Variants in GAPVD1 observed in about 807,000 individuals in gnomAD.
GAPVD1 encodes GTPase-activating protein and VPS9 domain-containing protein 1.
Under a neutral mutation model 155.5 loss-of-function variants are expected in GAPVD1, and 35 were observed. The ratio of observed to expected loss-of-function variants is 0.23; its 90% CI spans 0.17 to 0.30. The LOEUF is 0.30. Among genes scored for constraint, GAPVD1 ranks in the 10% least tolerant of loss-of-function variants. The probability of loss-of-function intolerance (pLI) is 1.00; values close to 1 mark genes in which losing one functional copy is unlikely to be tolerated. For missense variants in GAPVD1, 1,429 were observed against 1,775.7 expected, an observed-to-expected ratio of 0.80 and a Z score of 3.51; for synonymous variants, 636 against 619.7, an observed-to-expected ratio of 1.03 and a Z score of -0.39.
intron 19 of GAPVD1, among the ~76,000 whole-genome samples, chr9:125,345,396 G>C (rs1046813446): frequency 3.3e-5 from 5 of 152,122 alleles, no homozygotes. Flanking sequence ...GGCCAGGCTG[G>C]TCTCGAACTC....
At chr9:125,317,305 G>A (rs1433874326) in intron 9 of GAPVD1, among the ~76,000 whole-genome samples, 5 of 149,884 alleles carry the variant, frequency 3.3e-5, no homozygotes, top group African/African-American at 7.4e-5. Flanking sequence ...GCAATACAGC[G>A]AGACTCTGTC....
At chr9:125,311,042 T>C (rs575919030) in intron 8 of GAPVD1, among the ~76,000 whole-genome samples, 152 of 151,830 alleles carry the variant, frequency 1.0e-3, no homozygotes, top group Non-Finnish European at 1.9e-3. Flanking sequence ...GGTTTCACCA[T>C]GTTGGCCAGG....
At position 125,355,733 on chromosome 9, in the gene GAPVD1, A is replaced by G; in HGVS notation, c.3847A>G (p.Ile1283Val). 1.2e-6 allele frequency: 2 copies of G among 1,613,390 alleles called. No individual in the cohort carries two copies. The highest frequency in any genetic ancestry group is 1.7e-6 in the Non-Finnish European group (2 of 1,179,286). The change falls in exon 25 of 28, where the codon ATA becomes GTA. Residue 1283 changes from isoleucine (I) to valine (V), a missense_variant. This residue lies in a region of GAPVD1 where 699 missense variants were observed against 826.0 expected (regional missense o/e 0.85). Transcript: ENST00000297933. ...TTATGGTGCAATGGCCCAGGATGTCATATGGCAAAACGCGAGTGAAGAACA... is the reference window on the plus strand; with the variant it reads ...TTATGGTGCAATGGCCCAGGATGTCGTATGGCAAAACGCGAGTGAAGAACA... The part of the protein sequence containing the change: ...FLYGAMAQDV[I>V]WQNASEEQLQ...
At chr9:125,282,728 G>C (rs1318813275) in intron 2 of GAPVD1, among the ~76,000 whole-genome samples, 1 of 152,190 alleles carries the variant, frequency 6.6e-6, no homozygotes, top group Non-Finnish European at 1.5e-5. Context: ...ATCTGAGATA[G>C]ATAAGGGCAT....
At chr9:125,361,699 C>G (rs1850945138) in intron 27 of GAPVD1, among the ~76,000 whole-genome samples, 1 of 152,132 alleles carries the variant, frequency 6.6e-6, no homozygotes, top group Admixed American at 6.6e-5. Context: ...CCTCTTTTAG[C>G]TTCTTATTTT....
At position 125,355,869 on chromosome 9, in the gene GAPVD1, T is replaced by C; in HGVS notation, c.3971+12T>C. 2.1e-6 allele frequency: 3 copies of C among 1,431,540 alleles called. No individual in the cohort carries two copies. Among genetic ancestry groups the C allele is most frequent in the Non-Finnish European group, 3.0e-6 (3 of 1,013,064 alleles). The allele number at this position is 1,431,540 out of a possible 1,614,324, so 88.7% of individuals were successfully genotyped here. On this transcript the variant is annotated intron_variant, in intron 25 of 27. Coordinates refer to ENST00000297933, the MANE Select transcript of GAPVD1 (RefSeq NM_001282680.3). Reference sequence around the variant, plus strand: ...ATACTTCGCGACCAGTAAGTACTTCTATGTTGAGTGCCTATGTGGAACTAC... The same window carrying C: ...ATACTTCGCGACCAGTAAGTACTTCCATGTTGAGTGCCTATGTGGAACTAC...
chr9:125,325,200 G>C (rs1182786212), intron 11 of GAPVD1, among the ~76,000 whole-genome samples: 4 of 151,612 alleles, frequency 2.6e-5, no homozygotes, highest in Non-Finnish European at 4.4e-5. Context: ...ACTCTAGCCT[G>C]GGCGACAGAG....
rs114795557 is a variant in GAPVD1 at position 125,305,798 on chromosome 9, G to A, written c.1116+649G>A. 7.4e-4 allele frequency among the ~76,000 whole-genome samples: 112 copies of A among 152,052 alleles called. 1 individual carries two copies. Among genetic ancestry groups the A allele is most frequent in the South Asian group, 3.1e-3 (15 of 4,800 alleles). On this transcript the variant is annotated intron_variant, in intron 6 of 27. Transcript: ENST00000297933. ...GCCTCCCAAGTACCTGGGCTATAGG[G>A]GCACACCACCATGCCCGGCTAAGTG...
At chr9:125,314,528 C>A (rs1023396951) in intron 9 of GAPVD1, among the ~76,000 whole-genome samples, 1 of 151,902 alleles carries the variant, frequency 6.6e-6, no homozygotes, top group Non-Finnish European at 1.5e-5. Context: ...GTGGCGCATG[C>A]CTGTAATCCC....
intron 23 of GAPVD1, among the ~76,000 whole-genome samples, chr9:125,352,844 T>C (rs1849504289): frequency 6.6e-6 from 1 of 152,152 alleles, no homozygotes; most frequent in Admixed American, 6.5e-5. Flanking sequence ...TGGTAGCTCA[T>C]GCCTGTAATC....
intron 18 of GAPVD1, chr9:125,341,843 T>G (rs1279825006): frequency 6.2e-6 from 1 of 162,090 alleles, no homozygotes; most frequent in Non-Finnish European, 1.3e-5. Context: ...AGGCCTCTTC[T>G]CAGCACGGTG....
intron 2 of GAPVD1, among the ~76,000 whole-genome samples, chr9:125,291,293 GA>G (rs202131359): frequency 5.9e-5 from 9 of 151,712 alleles, no homozygotes; most frequent in Admixed American, 5.3e-4. Context: ...TCTAAGGGAA[GA>G]AAAAAAAGGA....
chr9:125,262,354 T>C (rs1833066284), intron 1 of GAPVD1, among the ~76,000 whole-genome samples: 1 of 151,998 alleles, frequency 6.6e-6, no homozygotes, highest in Non-Finnish European at 1.5e-5. Context: ...GATAAAGATA[T>C]CGTGCTGCAG....
chr9:125,346,990 A>G (rs373813568), intron 20 of GAPVD1, 49 bp downstream of exon 20: 139 of 1,585,498 alleles, frequency 8.8e-5, no homozygotes, highest in Non-Finnish European at 1.1e-4. Flanking sequence ...TATCATAGTG[A>G]TAAAGGTAAT....
At chr9:125,299,433 G>A (rs570722620) in intron 4 of GAPVD1, among the ~76,000 whole-genome samples, 6 of 152,280 alleles carry the variant, frequency 3.9e-5, no homozygotes, top group Non-Finnish European at 5.9e-5. Flanking sequence ...CAAGGCGGGT[G>A]GATCATGAGG....
chr9:125,354,885 C>A, intron 24 of GAPVD1, 44 bp downstream of exon 24: 2 of 1,325,312 alleles, frequency 1.5e-6, no homozygotes, highest in Non-Finnish European at 1.1e-6. Context: ...ACCTGTAATA[C>A]TGTTGGGAAG....
chr9:125,332,690 T>C lies in GAPVD1; in HGVS notation c.2428+61T>C. On this transcript the variant is annotated intron_variant, in intron 15 of 27. Coordinates refer to ENST00000297933, the MANE Select transcript of GAPVD1 (RefSeq NM_001282680.3). ...CCACATCCGTGGTTGAAACTGGCAC[T>C]GTGACACATTGCTGGTGACAGCATC... 3 of 1,388,914 alleles carry C rather than the reference T, an allele frequency of 2.2e-6. No homozygotes were observed. In the Admixed American group the frequency reaches 5.6e-5, roughly 26 times the overall value. 86.0% of individuals were successfully genotyped at this position (1,388,914 alleles called of 1,614,324 possible). A position where few individuals can be genotyped will look rare whatever the true frequency, so the allele number is the denominator to read the frequency against.
At chr9:125,263,550 G>C in intron 1 of GAPVD1, 2 of 1,060,894 alleles carry the variant, frequency 1.9e-6, no homozygotes, top group South Asian at 2.5e-5. Context: ...TTGGTTGTAA[G>C]TTTATTCAAT....
At chr9:125,283,374 T>TA (rs1283133013) in intron 2 of GAPVD1, among the ~76,000 whole-genome samples, 1 of 151,986 alleles carries the variant, frequency 6.6e-6, no homozygotes, top group African/African-American at 2.4e-5. Context: ...TTTTTATTTT[T>TA]TAGACAGGGT....
Sources: gnomAD v4.1 joint callset for allele counts (sites outside exome capture counted in the v4.1 genomes callset) on GRCh38, gnomAD v4.1.1 for gene constraint, gnomAD v4.1.1 regional missense constraint, MANE v1.5 for transcripts, NCBI Gene and HGNC (gene_info 2026-07-23, HGNC 2026-07-21) for gene names.